MGAM2: variants seen among roughly 807,000 people sequenced by gnomAD.
MGAM2 encodes the protein probable maltase-glucoamylase 2.
A neutral mutation model predicts 96.1 loss-of-function variants in MGAM2; 98 were observed. The ratio of observed to expected loss-of-function variants is 1.02; its 90% confidence interval spans 0.87 to 1.21. MGAM2 has a LOEUF of 1.21. Ranked by LOEUF, MGAM2 falls within the 50% of genes most tolerant of loss-of-function variation. The pLI, the probability that MGAM2 is intolerant of heterozygous loss-of-function variation, is 0.00. For synonymous variants in MGAM2, 749 were observed against 414.8 expected (o/e 1.81, Z -9.79); for missense variants, 2,055 against 1,182.4 (o/e 1.74, Z -10.82).
intron 46 of MGAM2, among the ~76,000 whole-genome samples, chr7:142,212,718 C>T (rs1334399349): frequency 1.3e-5 from 2 of 152,160 alleles, no homozygotes; most frequent in Non-Finnish European, 2.9e-5. Flanking sequence ...GAGACTTAGA[C>T]TCCCACACAA....
chr7:142,214,820 T>G (rs1029849426), intron 46 of MGAM2, among the ~76,000 whole-genome samples: 2 of 152,206 alleles, frequency 1.3e-5, no homozygotes, highest in African/African-American at 4.8e-5. Context: ...GGAGAGGATG[T>G]GGAGAAATAG....
chr7:142,126,919 A>C (rs185639754), intron 3 of MGAM2, among the ~76,000 whole-genome samples: 1 of 152,322 alleles, frequency 6.6e-6, no homozygotes, highest in East Asian at 1.9e-4. Context: ...CCCAAAATGC[A>C]TATTCACATG....
chr7:142,129,891 C>T (rs1445143354), intron 3 of MGAM2, among the ~76,000 whole-genome samples: 4 of 131,584 alleles, frequency 3.0e-5, no homozygotes, highest in African/African-American at 1.1e-4. Flanking sequence ...TTGAATTTCT[C>T]ACCTGCCACA....
intron 31 of MGAM2, among the ~76,000 whole-genome samples, chr7:142,174,000 C>T (rs1235872162): frequency 6.6e-6 from 1 of 151,984 alleles, no homozygotes; most frequent in Admixed American, 6.6e-5. Flanking sequence ...GGTGTATGGT[C>T]TTGTTTCTGG....
intron 15 of MGAM2, among the ~76,000 whole-genome samples, chr7:142,150,826 CA>C (rs1795557287): frequency 2.0e-5 from 3 of 152,156 alleles, no homozygotes; most frequent in Admixed American, 2.0e-4. Context: ...CCCTTTCTTA[CA>C]ATTTTTCTCT....
chr7:142,123,099 G>A (rs1203881649), intron 3 of MGAM2, among the ~76,000 whole-genome samples: 1 of 152,118 alleles, frequency 6.6e-6, no homozygotes, highest in East Asian at 1.9e-4. Context: ...TGGAATTACA[G>A]GGGTGAGCCA....
chr7:142,204,735 C>G (rs1447334264), intron 45 of MGAM2, among the ~76,000 whole-genome samples: 2 of 151,680 alleles, frequency 1.3e-5, no homozygotes, highest in African/African-American at 4.8e-5. Context: ...TTAATATGAG[C>G]TACTTTACAT....
At chr7:142,166,729 G>T (rs1796038338) in intron 25 of MGAM2, among the ~76,000 whole-genome samples, 1 of 152,164 alleles carries the variant, frequency 6.6e-6, no homozygotes, top group East Asian at 1.9e-4. Flanking sequence ...CTCTGTCACG[G>T]TTCACTCATT....
intron 32 of MGAM2, among the ~76,000 whole-genome samples, chr7:142,176,323 T>C (rs2129092394): frequency 6.6e-6 from 1 of 152,318 alleles, no homozygotes; most frequent in South Asian, 2.1e-4. Context: ...TCTTGACAAA[T>C]GCAGAGGCAA....
intron 45 of MGAM2, among the ~76,000 whole-genome samples, chr7:142,201,259 G>A (rs1230376693): frequency 6.6e-6 from 1 of 151,222 alleles, no homozygotes; most frequent in Non-Finnish European, 1.5e-5. Context: ...TAGTAGAGAT[G>A]GGGTTTCGCC....
chr7:142,192,194 CA>C (rs1223491183), intron 37 of MGAM2, among the ~76,000 whole-genome samples: 3 of 152,224 alleles, frequency 2.0e-5, no homozygotes, highest in African/African-American at 7.2e-5. Flanking sequence ...GTTCCACAAT[CA>C]GGGGCAACAT....
chr7:142,142,524 GTTTTTTTTTTTTT>G (rs746342532), intron 12 of MGAM2, among the ~76,000 whole-genome samples: 1 of 78,890 alleles, frequency 1.3e-5, no homozygotes, highest in Admixed American at 1.6e-4. Context: ...AGTGGTGTGT[GTTTTTTTTTTTTT>G]TTTTTTTTTT....
At chr7:142,152,171 T>C (rs1263894100) in intron 15 of MGAM2, among the ~76,000 whole-genome samples, 1 of 145,370 alleles carries the variant, frequency 6.9e-6, no homozygotes, top group African/African-American at 2.5e-5. Context: ...TTAAGATGTT[T>C]AAAAAAAAAA....
intron 15 of MGAM2, among the ~76,000 whole-genome samples, chr7:142,149,975 C>G (rs997209525): frequency 2.7e-5 from 4 of 147,408 alleles, no homozygotes; most frequent in Admixed American, 2.7e-4. Context: ...GAGTTTCGCT[C>G]TTGTTGCCCA....
chr7:142,167,406 G>C lies in MGAM2; in HGVS notation c.2947G>C (p.Ala983Pro). ...PMAPESAAAA[A>P]SDSLSAKISF... ...GGCCCCTGAGTCAGCTGCTGCTGCC[G>C]CCTCTGATTCTCTCTCTGCAAAGAT... is the stretch of plus-strand genomic sequence containing the variant. The change falls in exon 26 of 48, where the codon GCC becomes CCC. Residue 983 changes from alanine (A) to proline (P), a missense_variant. Coordinates refer to ENST00000477922, the MANE Select transcript of MGAM2 (RefSeq NM_001293626.2). 1.4e-6 allele frequency: 1 copy of C among 702,866 alleles called. No homozygotes were observed. The highest frequency in any genetic ancestry group is 1.5e-5 in the South Asian group (1 of 67,598). 43.5% of individuals were successfully genotyped at this position (702,866 alleles called of 1,614,324 possible).
chr7:142,136,228 A>G (rs1795056852), intron 7 of MGAM2, among the ~76,000 whole-genome samples: 1 of 152,226 alleles, frequency 6.6e-6, no homozygotes, highest in African/African-American at 2.4e-5. Context: ...TTTCATATCA[A>G]TGAAATCATA....
At position 142,165,243 on chromosome 7, in the gene MGAM2, C is replaced by T. The variant is rs542541618; in HGVS notation, c.2652+220C>T. The stretch of plus-strand genomic sequence containing the variant: ...TGAAGAAAATAGCGGGAGTCGGAAC[C>T]CCGAGAGAAGGAAGTTCTTCTCTGG... On this transcript the variant is annotated intron_variant, in intron 24 of 47. Transcript: ENST00000477922. Among the ~76,000 whole-genome samples the T allele has an allele frequency of 1.3e-3, 202 of 152,178 alleles. 1 individual carries two copies. The highest frequency in any genetic ancestry group is 2.3e-3 in the Non-Finnish European group (154 of 67,996).
chr7:142,143,138 AT>A (rs1795282640), intron 12 of MGAM2, among the ~76,000 whole-genome samples: 1 of 152,218 alleles, frequency 6.6e-6, no homozygotes, highest in Non-Finnish European at 1.5e-5. Flanking sequence ...CTATAAATTT[AT>A]AGGGAAAATG....
At position 142,154,110 on chromosome 7, in the gene MGAM2, G is replaced by A. The variant is rs1429860834; in HGVS notation, c.1727G>A (p.Gly576Glu). The A allele has an allele frequency of 1.4e-6, 1 of 693,086 alleles. No homozygotes were observed. Among genetic ancestry groups the A allele is most frequent in the Non-Finnish European group, 2.6e-6 (1 of 377,838 alleles). 42.9% of individuals were successfully genotyped at this position (693,086 alleles called of 1,614,324 possible). The change falls in exon 16 of 48, where the codon GGG (glycine) becomes GAG (glutamate). Residue 576 changes from glycine (G) to glutamate (E), a missense_variant. By Grantham distance (98) the Gly-to-Glu change is moderately conservative (BLOSUM62 -2). Transcript: ENST00000477922. The part of the protein sequence containing the change: ...GSGKFAAHWL[G>E]DNAATWDDLR... ...GGCAAATTTGCTGCTCATTGGCTGG[G>A]GGACAATGCGGCCACATGGGATGAC...
Sources: allele counts gnomAD v4.1 joint callset (sites outside exome capture counted in the v4.1 genomes callset), GRCh38; gene constraint gnomAD v4.1.1; transcripts MANE v1.5; gene names NCBI Gene and HGNC (gene_info 2026-07-23, HGNC 2026-07-21).